SHLD2: variants seen among roughly 807,000 people sequenced by gnomAD.
SHLD2 encodes the protein RINN1-REV7-interacting novel NHEJ regulator 2.
A neutral mutation model predicts 73.2 loss-of-function variants in SHLD2; 30 were observed. That is an observed-to-expected ratio of 0.41 (90% CI 0.31 to 0.56). The LOEUF (loss-of-function observed/expected upper bound fraction) is 0.56. SHLD2 is among the 20% of genes least tolerant of loss of function. The pLI is 0.28. For missense variants in SHLD2, 745 were observed against 1,055.9 expected (o/e 0.71, Z 4.08); for synonymous variants, 285 against 370.1 (o/e 0.77, Z 2.64).
chr10:87,132,941 T>G (rs1844535703), intron 2 of SHLD2, among the ~76,000 whole-genome samples: 1 of 152,234 alleles, frequency 6.6e-6, no homozygotes, highest in Non-Finnish European at 1.5e-5. Context: ...TTCGTTAATC[T>G]TATTCATTGT....
chr10:87,136,773 C>G (rs1844829821), intron 2 of SHLD2, among the ~76,000 whole-genome samples: 1 of 152,090 alleles, frequency 6.6e-6, no homozygotes, highest in South Asian at 2.1e-4. Context: ...ATGTAAGGTA[C>G]TCCCACAGTT....
intron 4 of SHLD2, among the ~76,000 whole-genome samples, chr10:87,161,111 A>G (rs1727553027): frequency 1.3e-5 from 2 of 152,330 alleles, no homozygotes; most frequent in South Asian, 4.1e-4. Context: ...ACAAATTTAA[A>G]TAATAAGATA....
chr10:87,104,766 T>C (rs2133959660), intron 2 of SHLD2, among the ~76,000 whole-genome samples: 1 of 151,936 alleles, frequency 6.6e-6, no homozygotes, highest in East Asian at 2.0e-4. Context: ...GTTCAAGTGA[T>C]TCTCCTGCTT....
chr10:87,180,002 A>G, intron 7 of SHLD2, 73 bp from the exon 8 acceptor site: 1 of 1,039,380 alleles, frequency 9.6e-7, no homozygotes, highest in East Asian at 2.4e-5. Flanking sequence ...CAACTATAAA[A>G]TTAGCCATGT....
chr10:87,109,260 C>G (rs940252626), intron 2 of SHLD2, among the ~76,000 whole-genome samples: 1 of 152,104 alleles, frequency 6.6e-6, no homozygotes, highest in Admixed American at 6.6e-5. Flanking sequence ...GGGTCCTTCC[C>G]CACAAACACT....
chr10:87,162,756 A>T (rs1846908821), intron 4 of SHLD2, among the ~76,000 whole-genome samples: 1 of 152,196 alleles, frequency 6.6e-6, no homozygotes, highest in African/African-American at 2.4e-5. Flanking sequence ...TTATTAGAGA[A>T]ATTCAAATTA....
chr10:87,129,630 A>G (rs1844283740), intron 2 of SHLD2, among the ~76,000 whole-genome samples: 1 of 152,054 alleles, frequency 6.6e-6, no homozygotes, highest in East Asian at 1.9e-4. Flanking sequence ...TTGGAAAAGT[A>G]TCGATTTTTT....
rs187337699 is a variant in SHLD2, at chr10:87,187,216, G to T, written c.2515+16G>T. The T allele has an allele frequency of 0.028, 40,481 of 1,436,018 alleles. 818 individuals are homozygous for T. Among genetic ancestry groups the T allele is most frequent in the Non-Finnish European group, 0.03 (30,844 of 1,017,422 alleles). 89.0% of individuals were successfully genotyped at this position (1,436,018 alleles called of 1,614,324 possible). A position where few individuals can be genotyped will look rare whatever the true frequency, so the allele number is the denominator to read the frequency against. On this transcript the variant is annotated intron_variant, in intron 9 of 9. Transcript: ENST00000298786. ...AGAGTGATAGGTAATATATCAGTGT[G>T]CCATCAAGAAGTTGTTTTATTCAGG...
chr10:87,114,313 C>T (rs1223360364), intron 2 of SHLD2: 1 of 152,186 alleles, frequency 6.6e-6, no homozygotes, highest in East Asian at 1.9e-4. Context: ...TATATTTACA[C>T]TTGATCTTAG....
intron 7 of SHLD2, among the ~76,000 whole-genome samples, chr10:87,176,684 A>T (rs1225950338): frequency 1.3e-5 from 2 of 152,262 alleles, no homozygotes; most frequent in African/African-American, 4.8e-5. Context: ...TTAAAATGTT[A>T]CTAGTTGGGT....
intron 2 of SHLD2, among the ~76,000 whole-genome samples, chr10:87,123,338 A>G (rs982072044): frequency 3.3e-5 from 5 of 151,540 alleles, no homozygotes; most frequent in East Asian, 2.0e-4. Context: ...GTCTCACTCT[A>G]TCACCCAGGC....
chr10:87,102,109 A>G (rs1197934496), intron 2 of SHLD2, among the ~76,000 whole-genome samples: 1 of 152,102 alleles, frequency 6.6e-6, no homozygotes, highest in African/African-American at 2.4e-5. Flanking sequence ...ATTTTATTGC[A>G]TGGACGCACC....
chr10:87,164,116 C>A (rs1255625981), intron 4 of SHLD2, among the ~76,000 whole-genome samples: 4 of 151,886 alleles, frequency 2.6e-5, no homozygotes, highest in African/African-American at 4.8e-5. Context: ...TGCCACCACG[C>A]CCAGATAATT....
intron 2 of SHLD2, among the ~76,000 whole-genome samples, chr10:87,097,869 C>T (rs1842008091): frequency 3.3e-5 from 5 of 152,136 alleles, no homozygotes; most frequent in Admixed American, 2.6e-4. Flanking sequence ...CAGTGATTCT[C>T]CTGCCTCAGC....
At chr10:87,139,383 A>T (rs1845022563) in intron 2 of SHLD2, among the ~76,000 whole-genome samples, 1 of 152,062 alleles carries the variant, frequency 6.6e-6, no homozygotes, top group Admixed American at 6.6e-5. Flanking sequence ...GTTCAGCATT[A>T]ATAATATATT....
At chr10:87,188,322 T>A (rs565302179) in intron 9 of SHLD2, among the ~76,000 whole-genome samples, 7 of 152,304 alleles carry the variant, frequency 4.6e-5, no homozygotes, top group Non-Finnish European at 7.4e-5. Flanking sequence ...GGGTGGTTTT[T>A]CAGTCCTCCC....
At chr10:87,111,167 T>G (rs904125194) in intron 2 of SHLD2, among the ~76,000 whole-genome samples, 6 of 151,642 alleles carry the variant, frequency 4.0e-5, no homozygotes, top group Admixed American at 3.3e-4. Flanking sequence ...TTTTTTAAAG[T>G]TTTTATTTTT....
intron 2 of SHLD2, among the ~76,000 whole-genome samples, chr10:87,102,994 G>A (rs1842366815): frequency 2.0e-5 from 3 of 151,888 alleles, no homozygotes; most frequent in Non-Finnish European, 4.4e-5. Flanking sequence ...GGCGGATCAC[G>A]AGGTCAAGAG....
intron 2 of SHLD2, among the ~76,000 whole-genome samples, chr10:87,130,559 C>T (rs1276660204): frequency 6.6e-6 from 1 of 151,964 alleles, no homozygotes; most frequent in African/African-American, 2.4e-5. Context: ...AGAGATTGAG[C>T]GTTTCCTAAG....
Sources: gnomAD v4.1 joint callset for allele counts (sites outside exome capture counted in the v4.1 genomes callset) on GRCh38, gnomAD v4.1.1 for gene constraint, MANE v1.5 for transcripts, NCBI Gene and HGNC (gene_info 2026-07-23, HGNC 2026-07-21) for gene names.